The following DIAPH3 variants were observed in gnomAD, a reference collection of about 807,000 sequenced individuals.
DIAPH3 encodes protein diaphanous homolog 3.
Under a neutral mutation model 144.3 loss-of-function variants are expected in DIAPH3, and 117 were observed. The ratio of observed to expected loss-of-function variants is 0.81; its 90% confidence interval spans 0.70 to 0.95. The LOEUF is 0.95. Among genes scored for constraint, DIAPH3 ranks in the 40% least tolerant of loss-of-function variants. The pLI, the probability that DIAPH3 is intolerant of heterozygous loss-of-function variation, is 0.00. For missense variants in DIAPH3, 1,421 were observed against 1,412.7 expected (o/e 1.01, Z -0.09); for synonymous variants, 519 against 488.9 (o/e 1.06, Z -0.81).
intron 24 of DIAPH3, among the ~76,000 whole-genome samples, chr13:59,811,675 T>C (rs1414421275): frequency 1.4e-5 from 2 of 143,144 alleles, no homozygotes; most frequent in Non-Finnish European, 3.0e-5. Flanking sequence ...AGGCAGAGCT[T>C]GCAGTGAGCC....
chr13:59,724,029 A>G (rs2035489493), intron 27 of DIAPH3, among the ~76,000 whole-genome samples: 2 of 151,532 alleles, frequency 1.3e-5, no homozygotes, highest in Admixed American at 1.3e-4. Flanking sequence ...TGATAAAGGG[A>G]TAGTTCTCTA....
intron 5 of DIAPH3, among the ~76,000 whole-genome samples, chr13:60,027,495 G>A (rs959584703): frequency 2.6e-5 from 4 of 151,956 alleles, no homozygotes; most frequent in East Asian, 1.9e-4. Flanking sequence ...ATACTGAAAG[G>A]CATAAAATAT....
intron 27 of DIAPH3, among the ~76,000 whole-genome samples, chr13:59,713,899 C>T (rs920629544): frequency 6.6e-6 from 1 of 151,982 alleles, no homozygotes; most frequent in Admixed American, 6.6e-5. Context: ...CCATGGAGAG[C>T]AAAAAGGAAA....
At position 59,741,257 on chromosome 13, in the gene DIAPH3, G is replaced by C. The variant is rs1185420685; in HGVS notation, c.3319+32932C>G. Among the ~76,000 whole-genome samples, 5 of 152,140 alleles carry C rather than the reference G, an allele frequency of 3.3e-5. No homozygotes were observed. The East Asian group carries it at 9.6e-4, about 29-fold the overall frequency. On this transcript the variant is annotated intron_variant, in intron 27 of 27. Transcript: ENST00000400324. ...TTTCTTTATAGGCATACTTTGAAAA[G>C]TGTATCTATAGAGAACAAACACATA...
At chr13:59,731,714 G>C (rs2035900006) in intron 27 of DIAPH3, among the ~76,000 whole-genome samples, 2 of 152,134 alleles carry the variant, frequency 1.3e-5, no homozygotes, top group African/African-American at 4.8e-5. Context: ...GAGTTTGCTT[G>C]TTATCTATAG....
intron 18 of DIAPH3, among the ~76,000 whole-genome samples, chr13:59,921,147 T>A (rs200256210): frequency 2.9e-4 from 38 of 129,526 alleles, no homozygotes; most frequent in Non-Finnish European, 5.1e-4. Context: ...AAAAAAAAAA[T>A]CTCAAACAAC....
intron 24 of DIAPH3, among the ~76,000 whole-genome samples, chr13:59,822,234 A>G (rs2041109583): frequency 6.6e-6 from 1 of 152,108 alleles, no homozygotes; most frequent in Non-Finnish European, 1.5e-5. Flanking sequence ...TTCAGAAGTG[A>G]TATATAATAA....
chr13:59,870,834 C>T (rs1019836237), intron 21 of DIAPH3, among the ~76,000 whole-genome samples: 1 of 151,948 alleles, frequency 6.6e-6, no homozygotes, highest in Non-Finnish European at 1.5e-5. Flanking sequence ...CCACGCCTGG[C>T]TAATTTTGTA....
chr13:59,905,236 G>A (rs1178191442), intron 20 of DIAPH3, among the ~76,000 whole-genome samples: 1 of 151,026 alleles, frequency 6.6e-6, no homozygotes, highest in African/African-American at 2.4e-5. Context: ...CCAGCTACTC[G>A]GGAGGCTGAG....
At chr13:60,096,866 C>T (rs1172698340) in intron 3 of DIAPH3, among the ~76,000 whole-genome samples, 1 of 152,160 alleles carries the variant, frequency 6.6e-6, no homozygotes. Flanking sequence ...GTTTTGAAAA[C>T]TTGGGGCCTT....
chr13:60,093,236 A>T (rs2058008527), intron 4 of DIAPH3, among the ~76,000 whole-genome samples: 1 of 152,234 alleles, frequency 6.6e-6, no homozygotes, highest in Non-Finnish European at 1.5e-5. Context: ...ACTCACATTA[A>T]AGACATTTCT....
chr13:60,076,338 T>C (rs144445293), intron 4 of DIAPH3, among the ~76,000 whole-genome samples: 1 of 152,138 alleles, frequency 6.6e-6, no homozygotes, highest in Non-Finnish European at 1.5e-5. Flanking sequence ...AGAAACCCCC[T>C]CTGTCGATCT....
intron 25 of DIAPH3, among the ~76,000 whole-genome samples, chr13:59,807,496 A>G (rs1229872860): frequency 6.6e-6 from 1 of 152,076 alleles, no homozygotes; most frequent in Non-Finnish European, 1.5e-5. Flanking sequence ...GACATAGCAC[A>G]TATCTGTATT....
At chr13:60,139,215 C>T (rs778140934) in intron 1 of DIAPH3, among the ~76,000 whole-genome samples, 15 of 152,142 alleles carry the variant, frequency 9.9e-5, no homozygotes, top group East Asian at 1.9e-4. Context: ...AAAAATAATA[C>T]TGAAGCTTTC....
At chr13:59,787,050 G>A (rs1054487601) in intron 25 of DIAPH3, among the ~76,000 whole-genome samples, 2 of 152,110 alleles carry the variant, frequency 1.3e-5, no homozygotes, top group East Asian at 1.9e-4. Context: ...GCAGTGACCC[G>A]TAGCTGAGCC....
intron 24 of DIAPH3, among the ~76,000 whole-genome samples, chr13:59,818,337 C>A (rs1298864134): frequency 6.6e-6 from 1 of 151,938 alleles, no homozygotes; most frequent in African/African-American, 2.4e-5. Context: ...CTATAAAGAT[C>A]TTTTGCTGGA....
chr13:60,105,126 C>A (rs1309997049), intron 3 of DIAPH3, among the ~76,000 whole-genome samples: 102 of 63,514 alleles, frequency 1.6e-3, no homozygotes, highest in East Asian at 3.4e-3. Context: ...AAAAAAAAAA[C>A]TGCCAGTGAT....
chr13:59,802,830 C>T (rs903820655), intron 25 of DIAPH3, among the ~76,000 whole-genome samples: 2 of 147,954 alleles, frequency 1.4e-5, no homozygotes, highest in African/African-American at 4.9e-5. Flanking sequence ...TACAGGCGCC[C>T]GCCACCGCGC....
rs767850799 is a variant in DIAPH3 at position 60,093,609 on chromosome 13, A to C, written c.495+19T>G. ...AAAACATGTTCGGCAGTATTTTTCA[A>C]CTTGACAGTTTTACTTACTGTCTTA... On this transcript the variant is annotated intron_variant, in intron 4 of 27. Coordinates refer to ENST00000400324, the MANE Select transcript of DIAPH3 (RefSeq NM_001042517.2). The C allele has an allele frequency of 6.7e-7, 1 of 1,496,980 alleles. No individual in the cohort carries two copies. The highest frequency in any genetic ancestry group is 1.4e-5 in the African/African-American group (1 of 72,716). 92.7% of individuals were successfully genotyped at this position (1,496,980 alleles called of 1,614,324 possible).
Sources: gnomAD v4.1 joint callset for allele counts (sites outside exome capture counted in the v4.1 genomes callset) on GRCh38, gnomAD v4.1.1 for gene constraint, MANE v1.5 for transcripts, NCBI Gene and HGNC (gene_info 2026-07-23, HGNC 2026-07-21) for gene names.